NRIP3: variants seen among roughly 807,000 people sequenced by gnomAD.
The protein encoded by NRIP3 is nuclear receptor interacting protein 3, also known as nuclear receptor-interacting protein 3.
A neutral mutation model predicts 29.0 loss-of-function variants in NRIP3; 31 were observed. The ratio of observed to expected loss-of-function variants is 1.07; its 90% CI spans 0.80 to 1.44. The LOEUF is 1.44. NRIP3 is among the 40% of genes most tolerant of loss of function. The probability of loss-of-function intolerance (pLI) is 0.00; values close to 1 mark genes in which losing one functional copy is unlikely to be tolerated. For missense variants in NRIP3, 314 were observed against 297.9 expected (o/e 1.05, Z -0.40); for synonymous variants, 131 against 118.3 (o/e 1.11, Z -0.70).
At chr11:9,000,916 A>G (rs904339598) in intron 1 of NRIP3, among the ~76,000 whole-genome samples, 1 of 152,018 alleles carries the variant, frequency 6.6e-6, no homozygotes, top group Admixed American at 6.6e-5. Flanking sequence ...AAAAAATACA[A>G]AAGTTAGATT....
chr11:9,002,532 T>TATAC (rs55696714), intron 1 of NRIP3, among the ~76,000 whole-genome samples: 10 of 148,896 alleles, frequency 6.7e-5, no homozygotes, highest in Non-Finnish European at 1.2e-4. Flanking sequence ...GGAGAAAAAT[T>TATAC]TTTGTATATT....
intron 1 of NRIP3, among the ~76,000 whole-genome samples, chr11:9,000,038 A>G (rs1854768523): frequency 6.6e-6 from 1 of 152,184 alleles, no homozygotes; most frequent in Admixed American, 6.5e-5. Flanking sequence ...TTGGTTCACT[A>G]TTATATCTCC....
At chr11:8,988,530 C>T (rs1426676112) in intron 1 of NRIP3, among the ~76,000 whole-genome samples, 3 of 152,100 alleles carry the variant, frequency 2.0e-5, no homozygotes, top group East Asian at 1.9e-4. Context: ...TGGAGAGGGC[C>T]GATAAATATT....
chr11:9,004,020 C>T, upstream of NRIP3: 1 of 1,303,018 alleles, frequency 7.7e-7, no homozygotes. Context: ...GGCCCCGAGC[C>T]GCGCCTTTTA....
At chr11:9,003,653 G>A in intron 1 of NRIP3, 109 bp downstream of exon 1, 9 of 1,115,588 alleles carry the variant, frequency 8.1e-6, no homozygotes, top group East Asian at 6.5e-5. Flanking sequence ...CGAGCCAAGG[G>A]CAGCGGCGGG....
At position 8,984,061 on chromosome 11, in the gene NRIP3, G is replaced by C. The variant is rs781591200; in HGVS notation, c.615+11C>G. 7.5e-6 allele frequency: 12 copies of C among 1,609,468 alleles called. No homozygotes were observed. Among genetic ancestry groups the C allele is most frequent in the Non-Finnish European group, 1.0e-5 (12 of 1,175,686 alleles). On this transcript the variant is annotated intron_variant, in intron 5 of 6. Transcript: ENST00000309166. ...GAGGAAGTATCAAGGGGTAAGTGGAGTCAATCTTACCTTCAGAGATCGGAG... is the reference window on the plus strand; with the variant it reads ...GAGGAAGTATCAAGGGGTAAGTGGACTCAATCTTACCTTCAGAGATCGGAG...
intron 1 of NRIP3, among the ~76,000 whole-genome samples, chr11:8,998,784 ATTTTTTTTTTTT>A (rs767253373): frequency 3.7e-4 from 29 of 77,572 alleles, no homozygotes; most frequent in African/African-American, 1.4e-3. Flanking sequence ...CAAACTCTTC[ATTTTTTTTTTTT>A]TTTTTTTTTT....
At chr11:9,000,926 T>C (rs546558754) in intron 1 of NRIP3, among the ~76,000 whole-genome samples, 1 of 152,006 alleles carries the variant, frequency 6.6e-6, no homozygotes, top group South Asian at 2.1e-4. Flanking sequence ...AAAGTTAGAT[T>C]GGTGTTGTGG....
At chr11:8,998,997 G>T (rs1261435828) in intron 1 of NRIP3, among the ~76,000 whole-genome samples, 3 of 151,756 alleles carry the variant, frequency 2.0e-5, no homozygotes, top group Non-Finnish European at 4.4e-5. Context: ...TAGAGATGGG[G>T]TTTCACCGTG....
chr11:8,983,830 G>A, intron 6 of NRIP3, 45 bp downstream of exon 6: 1 of 1,503,344 alleles, frequency 6.7e-7, no homozygotes. Context: ...GCTCGCAGCT[G>A]ATGACAAATG....
chr11:8,992,194 C>T (rs1280116589), intron 1 of NRIP3, among the ~76,000 whole-genome samples: 1 of 152,102 alleles, frequency 6.6e-6, no homozygotes, highest in Non-Finnish European at 1.5e-5. Flanking sequence ...TTGAAGGATG[C>T]AATTAGGGTT....
At chr11:8,989,527 A>C (rs1258351291) in intron 1 of NRIP3, among the ~76,000 whole-genome samples, 1 of 152,240 alleles carries the variant, frequency 6.6e-6, no homozygotes, top group Non-Finnish European at 1.5e-5. Flanking sequence ...GGAAGAATGC[A>C]GTCACAGCCA....
intron 1 of NRIP3, among the ~76,000 whole-genome samples, chr11:8,999,371 T>C (rs1392760718): frequency 1.3e-5 from 2 of 152,222 alleles, no homozygotes; most frequent in Non-Finnish European, 2.9e-5. Context: ...AATTACTGTA[T>C]AATAGCTTCC....
intron 1 of NRIP3, 146 bp downstream of exon 1, chr11:9,003,615 AG>A: frequency 1.4e-6 from 1 of 735,584 alleles, no homozygotes; most frequent in Non-Finnish European, 2.0e-6. Flanking sequence ...GGGTACTGGA[AG>A]GGGAGGAATC....
At chr11:8,983,745 G>T (rs1854459960) in intron 6 of NRIP3, 130 bp downstream of exon 6, 1 of 914,464 alleles carries the variant, frequency 1.1e-6, no homozygotes, top group East Asian at 2.5e-5. Flanking sequence ...TGTGGGGAAG[G>T]GTGGATTTGT....
chr11:8,985,658 T>C, intron 4 of NRIP3, 53 bp downstream of exon 4: 1 of 1,580,404 alleles, frequency 6.3e-7, no homozygotes, highest in South Asian at 1.1e-5. Context: ...TTGTTGGGGG[T>C]AGGGAGAGGG....
rs749839001 is a variant in NRIP3 at position 8,988,158 on chromosome 11, T to C, written c.299A>G (p.Lys100Arg). 3 of 1,614,076 alleles carry C rather than the reference T, an allele frequency of 1.9e-6. No individual in the cohort carries two copies. The African/African-American group carries it at 4.0e-5, about 22-fold the overall frequency. The part of the protein sequence containing the change: ...KLNQAKSEGL[K>R]KSEEDDMILV... ...AATCATGTCATCCTCCTCAGACTTC[T>C]TTAGCCCCTCAGACTTAGCCTGATT... The change falls in exon 2 of 7, where the codon AAG becomes AGG. Residue 100 changes from lysine to arginine, a missense_variant. Lys to Arg is a conservative substitution (Grantham distance 26, BLOSUM62 2). Coordinates refer to ENST00000309166, the MANE Select transcript of NRIP3 (RefSeq NM_020645.3).
intron 1 of NRIP3, among the ~76,000 whole-genome samples, chr11:8,993,264 C>G (rs1048324500): frequency 2.0e-5 from 3 of 152,106 alleles, no homozygotes; most frequent in Non-Finnish European, 1.5e-5. Flanking sequence ...TTTTAAGTTA[C>G]TTGAAGGAGA....
At chr11:8,991,335 A>C (rs754835603) in intron 1 of NRIP3, among the ~76,000 whole-genome samples, 5 of 152,236 alleles carry the variant, frequency 3.3e-5, no homozygotes, top group Non-Finnish European at 2.9e-5. Flanking sequence ...CAATATACAT[A>C]ATTCTTTTCA....
Sources: gnomAD v4.1 joint callset for allele counts (sites outside exome capture counted in the v4.1 genomes callset) on GRCh38, gnomAD v4.1.1 for gene constraint, MANE v1.5 for transcripts, NCBI Gene and HGNC (gene_info 2026-07-23, HGNC 2026-07-21) for gene names.